The following CDKAL1 variants were observed in gnomAD, a reference collection of about 807,000 sequenced individuals.
The protein encoded by CDKAL1 is CDKAL1 threonylcarbamoyladenosine tRNA methylthiotransferase, also known as threonylcarbamoyladenosine tRNA methylthiotransferase.
In CDKAL1, 32 loss-of-function variants were observed where a neutral mutation model predicts 68.2. The observed-to-expected ratio is 0.47, with a 90% CI of 0.35 to 0.63. The LOEUF is 0.63. CDKAL1 is among the 30% of genes least tolerant of loss of function. The pLI is 0.00. For synonymous variants in CDKAL1, 234 were observed against 244.3 expected, an observed-to-expected ratio of 0.96 and a Z score of 0.39; for missense variants, 606 against 696.7, an observed-to-expected ratio of 0.87 and a Z score of 1.47.
In CDKAL1 at chr6:20,548,766, AAATAGCCTAGC is replaced by A. The variant is rs140050810; in HGVS notation, c.286+63_286+73del. The A allele has an allele frequency of 1.8e-3, 1,370 of 752,710 alleles. 14 individuals are homozygous for A. In the African/African-American group the frequency reaches 0.021, roughly 11 times the overall value. The allele number at this position is 752,710 out of a possible 1,614,324, so 46.6% of individuals were successfully genotyped here. A position where few individuals can be genotyped will look rare whatever the true frequency, so the allele number is the denominator to read the frequency against. On this transcript the variant is annotated intron_variant, in intron 4 of 15. Coordinates refer to ENST00000274695, the MANE Select transcript of CDKAL1 (RefSeq NM_017774.3). ...TTTTCAGAATTAAGCTTTTAGAGAT[AAATAGCCTAGC>A]AGTTAAAGGGTATTTTAGCATGACA...
At position 20,779,480 on chromosome 6, in the gene CDKAL1, A is replaced by G. The variant is rs538184360; in HGVS notation, c.518-1665A>G. Among the ~76,000 whole-genome samples the G allele has an allele frequency of 1.8e-4, 28 of 152,332 alleles. No homozygotes were observed. The South Asian group carries it at 4.1e-3, about 23-fold the overall frequency. ...ATAAGCTCAATTTTAGAACACTTAC[A>G]TCACCCCCCAAATTCTTATTTTGGG... On this transcript the variant is annotated intron_variant, in intron 7 of 15. Coordinates refer to ENST00000274695, the MANE Select transcript of CDKAL1 (RefSeq NM_017774.3).
chr6:20,786,813 C>A (rs977872471), intron 8 of CDKAL1, among the ~76,000 whole-genome samples: 44 of 152,118 alleles, frequency 2.9e-4, no homozygotes, highest in African/African-American at 1.0e-3. Context: ...CTTATTTTTT[C>A]TAGCAGTGGG....
chr6:20,623,812 A>C (rs1400824607), intron 4 of CDKAL1, among the ~76,000 whole-genome samples: 1 of 152,106 alleles, frequency 6.6e-6, no homozygotes, highest in Non-Finnish European at 1.5e-5. Flanking sequence ...GTTAAGTTCA[A>C]ATCAGTGTTC....
At chr6:20,557,050 A>AAAT (rs775804106) in intron 4 of CDKAL1, among the ~76,000 whole-genome samples, 108 of 88,962 alleles carry the variant, frequency 1.2e-3, no homozygotes, top group African/African-American at 2.7e-3. Flanking sequence ...TCAAAAAAAA[A>AAAT]AAATAAATAA....
intron 10 of CDKAL1, among the ~76,000 whole-genome samples, chr6:20,991,929 A>T (rs1167656634): frequency 6.6e-6 from 1 of 151,148 alleles, no homozygotes; most frequent in African/African-American, 2.4e-5. Flanking sequence ...AGGAATTTTA[A>T]AAATATAATA....
chr6:21,023,088 G>GT (rs926085193), intron 11 of CDKAL1, among the ~76,000 whole-genome samples: 25 of 148,214 alleles, frequency 1.7e-4, no homozygotes, highest in Admixed American at 2.7e-4. Context: ...CTTAATGTAA[G>GT]TTTTTTTTTT....
At chr6:21,217,284 ATTTC>A (rs1562124887) in intron 15 of CDKAL1, among the ~76,000 whole-genome samples, 4 of 110,450 alleles carry the variant, frequency 3.6e-5, no homozygotes, top group Non-Finnish European at 7.1e-5. Context: ...GATGTTTAGG[ATTTC>A]TTTTTCTTTT....
intron 11 of CDKAL1, among the ~76,000 whole-genome samples, chr6:21,052,167 G>A (rs774839033): frequency 5.9e-5 from 9 of 152,136 alleles, no homozygotes; most frequent in African/African-American, 9.6e-5. Flanking sequence ...TTTATTTGAA[G>A]ATGTTGAATT....
intron 8 of CDKAL1, among the ~76,000 whole-genome samples, chr6:20,806,687 TCAGAC>T (rs1215727484): frequency 3.9e-5 from 6 of 152,138 alleles, no homozygotes; most frequent in African/African-American, 9.7e-5. Context: ...AGATGGTATC[TCAGAC>T]CAGTTGTGAG....
chr6:21,030,444 T>C (rs1469703275), intron 11 of CDKAL1, among the ~76,000 whole-genome samples: 1 of 152,076 alleles, frequency 6.6e-6, no homozygotes, highest in African/African-American at 2.4e-5. Context: ...CGTATACCTA[T>C]GTAACAAACC....
intron 9 of CDKAL1, among the ~76,000 whole-genome samples, chr6:20,890,892 ATATT>A (rs1326400591): frequency 6.6e-6 from 1 of 152,238 alleles, no homozygotes; most frequent in Non-Finnish European, 1.5e-5. Context: ...ATACTATTGA[ATATT>A]TATGAAGCAA....
At position 20,810,627 on chromosome 6, in the gene CDKAL1, GGTGTGTGTGTGT is replaced by G. The variant is rs57000695; in HGVS notation, c.638+29389_638+29400del. Reference sequence around the variant, plus strand: ...AAAAAAGATTATGTGTGTATGTATGGGTGTGTGTGTGTGTGTGTGTGTGTGTGTGTGTGTGTG... The same window carrying G: ...AAAAAAGATTATGTGTGTATGTATGGGTGTGTGTGTGTGTGTGTGTGTGTG... On this transcript the variant is annotated intron_variant, in intron 8 of 15. Coordinates refer to ENST00000274695, the MANE Select transcript of CDKAL1 (RefSeq NM_017774.3). 7.9e-4 allele frequency among the ~76,000 whole-genome samples: 107 copies of G among 134,770 alleles called. 4 individuals are homozygous for G. The East Asian group carries it at 8.3e-3, about 10-fold the overall frequency. The allele number at this position is 134,770 out of a possible 152,430, so 88.4% of individuals were successfully genotyped here.
chr6:20,914,255 A>G (rs1179187252), intron 9 of CDKAL1, among the ~76,000 whole-genome samples: 1 of 152,084 alleles, frequency 6.6e-6, no homozygotes, highest in East Asian at 1.9e-4. Flanking sequence ...GTGCCACTGC[A>G]CTCCCGCCTG....
chr6:21,071,270 T>C (rs944937087), intron 12 of CDKAL1, among the ~76,000 whole-genome samples: 2 of 152,076 alleles, frequency 1.3e-5, no homozygotes. Context: ...TCCCCCATGC[T>C]GTTTTCATGA....
intron 15 of CDKAL1, among the ~76,000 whole-genome samples, chr6:21,208,186 C>G (rs898167): frequency 1.3e-5 from 2 of 151,734 alleles, no homozygotes; most frequent in African/African-American, 4.8e-5. Flanking sequence ...ATAGCTCAGC[C>G]CTGACACAGC....
chr6:20,844,883 C>G (rs545283750), intron 8 of CDKAL1, among the ~76,000 whole-genome samples: 1 of 152,104 alleles, frequency 6.6e-6, no homozygotes, highest in African/African-American at 2.4e-5. Context: ...AGACTAGAAC[C>G]TCTATTTGTA....
chr6:20,585,344 G>A (rs184454572), intron 4 of CDKAL1, among the ~76,000 whole-genome samples: 3 of 152,090 alleles, frequency 2.0e-5, no homozygotes, highest in Non-Finnish European at 2.9e-5. Context: ...GAGCCACTGC[G>A]CCCGGCCGAT....
At position 20,992,232 on chromosome 6, in the gene CDKAL1, A is replaced by G. The variant is rs1232954479; in HGVS notation, c.910-7995A>G. ...TATATGTATTTTGTATTATATGTAT[A>G]TAAGTATTTTGTATTATTAGTAGAG... is the stretch of plus-strand genomic sequence containing the variant. On this transcript the variant is annotated intron_variant, in intron 10 of 15. Transcript: ENST00000274695. Among the ~76,000 whole-genome samples the G allele has an allele frequency of 3.3e-5, 5 of 150,292 alleles. No homozygotes were observed. In the East Asian group the frequency reaches 9.7e-4, roughly 29 times the overall value.
chr6:21,204,556 G>A (rs768137744), intron 15 of CDKAL1, among the ~76,000 whole-genome samples: 8 of 152,180 alleles, frequency 5.3e-5, no homozygotes, highest in East Asian at 3.9e-4. Context: ...CATTTATGGC[G>A]TGCTTATCGT....
Sources: gnomAD v4.1 joint callset for allele counts (sites outside exome capture counted in the v4.1 genomes callset) on GRCh38, gnomAD v4.1.1 for gene constraint, MANE v1.5 for transcripts, NCBI Gene and HGNC (gene_info 2026-07-23, HGNC 2026-07-21) for gene names.